ZNF415: variants seen among roughly 807,000 people sequenced by gnomAD.
The protein encoded by ZNF415 is zinc finger protein 415.
ZNF415 carries 5 observed loss-of-function variants against 7.3 expected under a neutral mutation model. That is an observed-to-expected ratio of 0.69 (90% CI 0.36 to 1.44). The LOEUF (loss-of-function observed/expected upper bound fraction) is 1.44, where lower values mean the gene tolerates loss of function less well. Among genes scored for constraint, ZNF415 ranks in the 40% most tolerant of loss-of-function variants. ZNF415 has a pLI of 0.04. For missense variants in ZNF415, 628 were observed against 664.8 expected, an observed-to-expected ratio of 0.94 and a Z score of 0.61; for synonymous variants, 207 against 226.3, an observed-to-expected ratio of 0.91 and a Z score of 0.77.
chr19:53,115,670 G>A, intron 3 of ZNF415: 1 of 1,456,172 alleles, frequency 6.9e-7, no homozygotes, highest in East Asian at 2.5e-5. Flanking sequence ...TAGTGTAATG[G>A]TGTGGCTTCC....
At chr19:53,116,009 C>T in intron 3 of ZNF415, 1 of 614,264 alleles carries the variant, frequency 1.6e-6, no homozygotes, top group South Asian at 2.0e-5. Context: ...ATCTAGCTCC[C>T]TTCCAAGAAC....
chr19:53,126,217 G>A (rs1330597931), intron 1 of ZNF415, among the ~76,000 whole-genome samples: 2 of 151,382 alleles, frequency 1.3e-5, no homozygotes, highest in Non-Finnish European at 2.9e-5. Flanking sequence ...GAGGGGCAGA[G>A]CCAAGGGCCC....
At chr19:53,120,147 T>G (rs187710375) in intron 2 of ZNF415, among the ~76,000 whole-genome samples, 10 of 152,130 alleles carry the variant, frequency 6.6e-5, no homozygotes, top group Admixed American at 5.2e-4. Flanking sequence ...ACTAGCAAAT[T>G]GAATATTTTG....
intron 3 of ZNF415, 101 bp downstream of exon 3, chr19:53,116,212 C>T (rs3745181): frequency 0.43 from 593,459 of 1,382,960 alleles, 131,435 homozygotes; most frequent in East Asian, 0.62. Flanking sequence ...AACAAGGCCT[C>T]AAACTCAGTC....
intron 1 of ZNF415, chr19:53,124,452 G>C (rs1443548150): frequency 6.6e-6 from 1 of 152,042 alleles, no homozygotes; most frequent in Non-Finnish European, 1.5e-5. Context: ...GGGGAACTAA[G>C]AGTCAGAACT....
intron 2 of ZNF415, 140 bp downstream of exon 2, chr19:53,122,522 G>C: frequency 6.3e-7 from 1 of 1,596,376 alleles, no homozygotes; most frequent in Non-Finnish European, 8.5e-7. Context: ...GAGAAGGACT[G>C]AGGGAAGGCA....
At chr19:53,111,424 C>A (rs2086230779) in intron 3 of ZNF415, among the ~76,000 whole-genome samples, 1 of 146,772 alleles carries the variant, frequency 6.8e-6, no homozygotes, top group Admixed American at 7.1e-5. Context: ...CTAACTGCAA[C>A]CTCTGCTTCC....
intron 1 of ZNF415, among the ~76,000 whole-genome samples, chr19:53,129,328 G>A (rs2089732925): frequency 6.6e-6 from 1 of 152,160 alleles, no homozygotes. Context: ...AACACAGGAA[G>A]CTGGTGGAGG....
Position 53,108,749 on chromosome 19 carries a change from T to C in ZNF415, c.1296A>G (p.Arg432=), listed in dbSNP as rs199998215. 2 of 1,614,204 alleles carry C rather than the reference T, an allele frequency of 1.2e-6. No individual in the cohort carries two copies. Among genetic ancestry groups the C allele is most frequent in the South Asian group, 1.1e-5 (1 of 91,086 alleles). The stretch of plus-strand genomic sequence containing the variant: ...TGTAAGGTTTCTCTCCAGTATGAAC[T>C]CTCCGATGACTCGCAAGGTGTGAAT... ...SYNSHLASHR[R]VHTGEKPYKC... Residue 432 remains arginine, a synonymous_variant, in exon 4 of 4, where the codon AGA becomes AGG. Transcript: ENST00000243643.
intron 1 of ZNF415, among the ~76,000 whole-genome samples, chr19:53,130,701 C>T (rs187240550): frequency 1.3e-5 from 2 of 152,032 alleles, no homozygotes; most frequent in South Asian, 2.1e-4. Context: ...GCTCTGTCAC[C>T]GGATCTCGGC....
intron 1 of ZNF415, chr19:53,123,741 C>A (rs945161157): frequency 7.1e-5 from 28 of 397,136 alleles, no homozygotes; most frequent in Non-Finnish European, 1.2e-4. Context: ...TGTATTTCCT[C>A]ACCCATTTTA....
At chr19:53,115,648 A>G in intron 3 of ZNF415, 1 of 1,339,496 alleles carries the variant, frequency 7.5e-7, no homozygotes, top group Non-Finnish European at 1.0e-6. Context: ...ACTTGCTAAG[A>G]GTTTCCAAAC....
At chr19:53,110,845 C>T (rs577033131) in intron 3 of ZNF415, among the ~76,000 whole-genome samples, 3 of 152,290 alleles carry the variant, frequency 2.0e-5, no homozygotes, top group South Asian at 4.1e-4. Flanking sequence ...TATGACTTCA[C>T]ACCTGCACTT....
chr19:53,130,898 C>G (rs1458341957), intron 1 of ZNF415, among the ~76,000 whole-genome samples: 1 of 152,044 alleles, frequency 6.6e-6, no homozygotes, highest in Non-Finnish European at 1.5e-5. Flanking sequence ...CCCACCTCGG[C>G]CTCCCAAAGT....
chr19:53,111,340 C>CT (rs61112807), intron 3 of ZNF415, among the ~76,000 whole-genome samples: 4,346 of 105,110 alleles, frequency 0.041, 281 homozygotes, highest in African/African-American at 0.11. Flanking sequence ...TATGATATTT[C>CT]TTTTTTTTTT....
intron 1 of ZNF415, among the ~76,000 whole-genome samples, chr19:53,132,159 C>T (rs1039824539): frequency 6.6e-6 from 1 of 152,234 alleles, no homozygotes; most frequent in African/African-American, 2.4e-5. Flanking sequence ...CTCTAACCAT[C>T]CTCTACTTTG....
chr19:53,129,295 G>A (rs902041502), intron 1 of ZNF415, among the ~76,000 whole-genome samples: 2 of 152,118 alleles, frequency 1.3e-5, no homozygotes, highest in African/African-American at 4.8e-5. Flanking sequence ...GCCACAGTGA[G>A]GAGTTGGGCT....
At chr19:53,124,404 G>A (rs925480962) in intron 1 of ZNF415, 1 of 152,100 alleles carries the variant, frequency 6.6e-6, no homozygotes, top group East Asian at 1.9e-4. Context: ...GAGAGAGAGA[G>A]AGAGAGAGAG....
intron 3 of ZNF415, among the ~76,000 whole-genome samples, chr19:53,114,393 C>G (rs1427242426): frequency 6.6e-6 from 1 of 152,084 alleles, no homozygotes; most frequent in Non-Finnish European, 1.5e-5. Context: ...GTCTTGAACT[C>G]CTGACCTCAG....
Sources: allele counts gnomAD v4.1 joint callset (sites outside exome capture counted in the v4.1 genomes callset), GRCh38; gene constraint gnomAD v4.1.1; transcripts MANE v1.5; gene names NCBI Gene and HGNC (gene_info 2026-07-23, HGNC 2026-07-21).